The following FAT2 variants were observed in gnomAD, a reference collection of about 807,000 sequenced individuals.
FAT2 encodes the protein FAT atypical cadherin 2.
Under a neutral mutation model 295.3 loss-of-function variants are expected in FAT2, and 150 were observed. That is an observed-to-expected ratio of 0.51 (90% CI 0.44 to 0.58). The LOEUF is 0.58. FAT2 is among the 20% of genes least tolerant of loss of function. FAT2 has a pLI of 0.00. For synonymous variants in FAT2, 2,026 were observed against 2,150.3 expected, an observed-to-expected ratio of 0.94 and a Z score of 1.60; for missense variants, 4,868 against 5,442.7, an observed-to-expected ratio of 0.89 and a Z score of 3.32.
intron 22 of FAT2, 102 bp downstream of exon 22, chr5:151,509,919 G>A (rs531688152): frequency 1.5e-6 from 2 of 1,378,658 alleles, no homozygotes; most frequent in East Asian, 2.3e-5. Context: ...CCAGGTCCCT[G>A]CAGCACTCTC....
Position 151,567,846 on chromosome 5 carries a change from G to A in FAT2, c.1086C>T (p.Phe362=), listed in dbSNP as rs200331562. 1.5e-5 allele frequency: 25 copies of A among 1,614,004 alleles called. No individual in the cohort carries two copies. Among genetic ancestry groups the A allele is most frequent in the East Asian group, 2.2e-5 (1 of 44,890 alleles). ...GCTGCACTCTGTAAACAGCCTTCTC[G>A]AATTTGAGGGAAGACAGTTTGGAAG... ...LPPSKLSSLK[F]EKAVYRVQLS... Residue 362 remains phenylalanine, a synonymous_variant, in exon 2 of 24, where the codon TTC becomes TTT. Coordinates refer to ENST00000261800, the MANE Select transcript of FAT2 (RefSeq NM_001447.3).
Position 151,531,484 on chromosome 5 carries a change from C to G in FAT2, c.9811+103G>C. On this transcript the variant is annotated intron_variant, in intron 14 of 23. Transcript: ENST00000261800. The surrounding 1 kb of genome is among the most constrained non-coding windows in gnomAD (Gnocchi z 5.7). ...GAGAAACGACCAGAGGAGGTCTGCT[C>G]TGGGAGGCGCTGCACAGGGTAGATA... 4.1e-6 allele frequency: 6 copies of G among 1,472,614 alleles called. No homozygotes were observed. Among genetic ancestry groups the G allele is most frequent in the Non-Finnish European group, 5.5e-6 (6 of 1,086,858 alleles). 91.2% of individuals were successfully genotyped at this position (1,472,614 alleles called of 1,614,324 possible). A position where few individuals can be genotyped will look rare whatever the true frequency, so the allele number is the denominator to read the frequency against.
intron 10 of FAT2, among the ~76,000 whole-genome samples, chr5:151,542,043 C>G (rs1189539277): frequency 6.6e-6 from 1 of 152,144 alleles, no homozygotes; most frequent in Non-Finnish European, 1.5e-5. Flanking sequence ...TTTTGCAAAG[C>G]ACTTTCTAAT....
intron 1 of FAT2, among the ~76,000 whole-genome samples, chr5:151,588,552 G>A (rs1759270049): frequency 6.6e-6 from 1 of 152,140 alleles, no homozygotes; most frequent in Admixed American, 6.5e-5. Context: ...TCTCATCTAT[G>A]AATTCAAAAT....
chr5:151,524,635 A>G (rs1487548039), intron 18 of FAT2, among the ~76,000 whole-genome samples: 1 of 152,150 alleles, frequency 6.6e-6, no homozygotes, highest in East Asian at 1.9e-4. Flanking sequence ...CTCACTCTCA[A>G]AGATCACAGT....
intron 14 of FAT2, 77 bp from the exon 15 acceptor site, chr5:151,529,469 C>G: frequency 7.7e-7 from 1 of 1,291,266 alleles, no homozygotes; most frequent in South Asian, 1.2e-5. Flanking sequence ...CTGAGCCCAG[C>G]CCTAGGAGAG....
Position 151,543,677 on chromosome 5 carries a change from G to C in FAT2, c.7450C>G (p.His2484Asp), listed in dbSNP as rs920683733. The change falls in exon 10 of 24, where the codon CAC (histidine) becomes GAC (aspartate). Residue 2484 changes from histidine (H) to aspartate (D), a missense_variant. Transcript: ENST00000261800. ...TCTGCTAATTCTGCCTCATAAAGGT[G>C]CTGCTGGAACTCTGGGCTGTACTTG... is the stretch of plus-strand genomic sequence containing the variant. The part of the protein sequence containing the change: ...ANKYSPEFQQ[H>D]LYEAELAENA... 1.2e-6 allele frequency: 2 copies of C among 1,614,172 alleles called. No individual in the cohort carries two copies. The highest frequency in any genetic ancestry group is 2.7e-5 in the African/African-American group (2 of 75,046).
intron 1 of FAT2, among the ~76,000 whole-genome samples, chr5:151,589,007 CT>C (rs371919088): frequency 1.1e-4 from 16 of 152,296 alleles, no homozygotes; most frequent in African/African-American, 3.8e-4. Flanking sequence ...CCACACTTTA[CT>C]TTGTAAACCT....
At chr5:151,529,492 G>C in intron 14 of FAT2, 100 bp from the exon 15 acceptor site, 1 of 926,916 alleles carries the variant, frequency 1.1e-6, no homozygotes. Context: ...AGCTCAACAG[G>C]GCTAGGCAAG....
chr5:151,526,007 T>C (rs2127584980), intron 17 of FAT2, 42 bp from the exon 18 acceptor site: 1 of 1,588,104 alleles, frequency 6.3e-7, no homozygotes, highest in Non-Finnish European at 8.6e-7. Flanking sequence ...GCAGAATGAG[T>C]CCCGGTCCTT....
chr5:151,509,903 T>G, intron 22 of FAT2, 118 bp downstream of exon 22: 1 of 1,235,326 alleles, frequency 8.1e-7, no homozygotes. Context: ...GGAAAAGGCC[T>G]AGAAGCCAGG....
chr5:151,522,043 A>G lies in FAT2; in HGVS notation c.10550T>C (p.Val3517Ala). The G allele has an allele frequency of 6.2e-7, 1 of 1,607,074 alleles. No homozygotes were observed. The highest frequency in any genetic ancestry group is 8.5e-7 in the Non-Finnish European group (1 of 1,174,272). ...GIPPLSSLTS[V>A]RVHVTEQSHY... ...GCTCTGCTCTGTGACATGGACACGG[A>G]CAGACGTCAAAGACGAGAGGGGAGG... The change falls in exon 19 of 24, where the codon GTC becomes GCC. Residue 3517 changes from valine (V) to alanine (A), a missense_variant. Coordinates refer to ENST00000261800, the MANE Select transcript of FAT2 (RefSeq NM_001447.3).
rs1210627644 is a variant in FAT2 at position 151,525,793 on chromosome 5, T to A, written c.10481A>T (p.Gln3494Leu). 7 of 1,614,088 alleles carry A rather than the reference T, an allele frequency of 4.3e-6. No individual in the cohort carries two copies. ...CTGGATCTGAAGCTGATACCATTCC[T>A]GAGCCCTCCTGCTTAGGCCCTCAGC... ...VTAEGLSRRA[Q>L]EWYQLQIQAS... Residue 3494 changes from glutamine (Q) to leucine (L), a missense_variant, in exon 18 of 24, where the codon CAG becomes CTG. Coordinates refer to ENST00000261800, the MANE Select transcript of FAT2 (RefSeq NM_001447.3).
At position 151,567,787 on chromosome 5, in the gene FAT2, ACCACGCGGCTG is replaced by A; in HGVS notation, c.1134_1144del (p.Ser379AspfsTer25). 6.2e-7 allele frequency: 1 copy of A among 1,614,158 alleles called. No individual in the cohort carries two copies. Among genetic ancestry groups the A allele is most frequent in the South Asian group, 1.1e-5 (1 of 91,080 alleles). On this transcript the variant is annotated frameshift_variant, in exon 2 of 24. Coordinates refer to ENST00000261800, the MANE Select transcript of FAT2 (RefSeq NM_001447.3). LOFTEE classifies it high-confidence loss of function. ...GAAGGCTGGGGTGACTCTCACCATC[ACCACGCGGCTG>A]CCAGGAGGGGAAAACTCACTAAGCT...
chr5:151,556,731 G>A (rs1007503787), intron 3 of FAT2, among the ~76,000 whole-genome samples: 17 of 152,154 alleles, frequency 1.1e-4, no homozygotes, highest in Non-Finnish European at 4.4e-5. Flanking sequence ...TAGGCTTTAT[G>A]TGAGATGATT....
chr5:151,513,628 ACTAC>A, intron 20 of FAT2, among the ~76,000 whole-genome samples: 1 of 152,284 alleles, frequency 6.6e-6, no homozygotes, highest in Middle Eastern at 3.4e-3. Context: ...AGGACAAAAA[ACTAC>A]CTATCAGGAA....
At chr5:151,540,246 G>A (rs750702784) in intron 11 of FAT2, among the ~76,000 whole-genome samples, 1 of 152,180 alleles carries the variant, frequency 6.6e-6, no homozygotes, top group Non-Finnish European at 1.5e-5. Context: ...TACCTAGAAT[G>A]GTCCCTGCCC....
chr5:151,512,249 G>T lies in FAT2; in HGVS notation c.11821C>A (p.Leu3941Ile). 1 of 1,614,208 alleles carries T rather than the reference G, an allele frequency of 6.2e-7. No individual in the cohort carries two copies. The highest frequency in any genetic ancestry group is 8.5e-7 in the Non-Finnish European group (1 of 1,180,034). Reference sequence around the variant, plus strand: ...TCACTGTGGAGGCAGCACTGGGTGAGGGCTTGTGTCTCCAGCAAGCCTGCC... The same window carrying T: ...TCACTGTGGAGGCAGCACTGGGTGATGGCTTGTGTCTCCAGCAAGCCTGCC... ...TVAGLLETQA[L>I]TQCCLHSDYC... Residue 3941 changes from leucine to isoleucine, a missense_variant, in exon 21 of 24, where the codon CTC becomes ATC. Around this residue, in one of 5 missense-constraint regions of FAT2, gnomAD observed 1,046 missense variants for 1,210.1 expected, o/e 0.86. Transcript: ENST00000261800. The surrounding 1 kb of genome is among the most constrained non-coding windows in gnomAD (Gnocchi z 4.1).
chr5:151,549,290 C>T lies in FAT2; in HGVS notation c.4789+5G>A, dbSNP rs2127618799. 6.2e-7 allele frequency: 1 copy of T among 1,612,316 alleles called. No homozygotes were observed. Among genetic ancestry groups the T allele is most frequent in the Non-Finnish European group, 8.5e-7 (1 of 1,179,780 alleles). On this transcript the variant is annotated splice_donor_5th_base_variant and intron_variant, in intron 9 of 23. Transcript: ENST00000261800. The stretch of plus-strand genomic sequence containing the variant: ...ATCCTCTGAGCTCATGGCCAGGCCT[C>T]TCACCTTTCAGGAGGGAGTAGTGGA...
Sources: allele counts gnomAD v4.1 joint callset (sites outside exome capture counted in the v4.1 genomes callset), GRCh38; gene constraint gnomAD v4.1.1; regional missense constraint gnomAD v4.1.1; non-coding constraint Gnocchi (gnomAD v3.1); transcripts MANE v1.5; gene names NCBI Gene and HGNC (gene_info 2026-07-23, HGNC 2026-07-21).